The following C5 variants were observed in gnomAD, a reference collection of about 807,000 sequenced individuals.
C5 encodes the protein C3 and PZP-like alpha-2-macroglobulin domain-containing protein 4.
In C5, 140 loss-of-function variants were observed where a neutral mutation model predicts 218.8. The ratio of observed to expected loss-of-function variants is 0.64; its 90% CI spans 0.56 to 0.74. The LOEUF (loss-of-function observed/expected upper bound fraction) is 0.74. Among genes scored for constraint, C5 ranks in the 30% least tolerant of loss-of-function variants. The pLI is 0.00. For missense variants in C5, 1,700 were observed against 1,969.6 expected (o/e 0.86, Z 2.59); for synonymous variants, 614 against 682.3 (o/e 0.90, Z 1.56).
In C5 at chr9:121,043,130, C is replaced by A; in HGVS notation, c.295G>T (p.Val99Phe). 1 of 1,613,350 alleles carries A rather than the reference C, an allele frequency of 6.2e-7. No homozygotes were observed. The highest frequency in any genetic ancestry group is 8.5e-7 in the Non-Finnish European group (1 of 1,179,612). Residue 99 changes from valine to phenylalanine, a missense_variant, in exon 3 of 41, where the codon GTT becomes TTT. Val to Phe is a conservative substitution (Grantham distance 50, BLOSUM62 -1). Coordinates refer to ENST00000223642, the MANE Select transcript of C5 (RefSeq NM_001735.3). ...ACAACTTCCAAATACACATAAGAAA[C>A]TGGGTTTTGTCCTCCAGGCAATTGT... Reference protein sequence around the residue: ...PKQLPGGQNPVSYVYLEVVSK... With the variant: ...PKQLPGGQNPFSYVYLEVVSK...
intron 20 of C5, among the ~76,000 whole-genome samples, chr9:121,002,234 A>G (rs374459997): frequency 2.2e-4 from 13 of 59,894 alleles, no homozygotes; most frequent in African/African-American, 4.6e-4. Context: ...ATATATGTAT[A>G]TATGTATATG....
intron 11 of C5, 50 bp from the exon 12 acceptor site, chr9:121,020,229 C>T: frequency 8.0e-7 from 1 of 1,245,282 alleles, no homozygotes; most frequent in South Asian, 1.2e-5. Context: ...GTAATGCTTT[C>T]TGTAAAACAT....
chr9:121,038,316 C>A (rs1173858968), intron 3 of C5, among the ~76,000 whole-genome samples: 1 of 152,138 alleles, frequency 6.6e-6, no homozygotes, highest in Non-Finnish European at 1.5e-5. Context: ...AGTGACATCA[C>A]CATATGGTTA....
At chr9:120,969,191 A>G in intron 32 of C5, 73 bp from the exon 33 acceptor site, 1 of 1,190,838 alleles carries the variant, frequency 8.4e-7, no homozygotes, top group South Asian at 1.2e-5. Context: ...GGAACCTGTC[A>G]GAACAGAATC....
intron 20 of C5, among the ~76,000 whole-genome samples, chr9:121,003,809 A>G (rs1362085011): frequency 2.0e-5 from 3 of 152,240 alleles, no homozygotes; most frequent in Non-Finnish European, 4.4e-5. Context: ...TTCTAACAAT[A>G]AATAACATTT....
In C5 at chr9:120,957,373, C is replaced by A. The variant is rs751044019; in HGVS notation, c.4679-5G>T. On this transcript the variant is annotated splice_region_variant and splice_polypyrimidine_tract_variant and intron_variant, in intron 38 of 40. Coordinates refer to ENST00000223642, the MANE Select transcript of C5 (RefSeq NM_001735.3). ...ATGTGATGCTAACTTTATAAGCTGG[C>A]AAAAGACAAACAACAATGAAACAAT... 3 of 1,607,670 alleles carry A rather than the reference C, an allele frequency of 1.9e-6. No homozygotes were observed. Among genetic ancestry groups the A allele is most frequent in the African/African-American group, 1.3e-5 (1 of 74,766 alleles).
chr9:121,013,692 T>C (rs945975438), intron 17 of C5, among the ~76,000 whole-genome samples, 181 bp downstream of exon 17: 2 of 152,176 alleles, frequency 1.3e-5, no homozygotes, highest in Non-Finnish European at 2.9e-5. Flanking sequence ...TGTACTCTGC[T>C]CTGTACTGTA....
chr9:121,033,259 A>G (rs1254356474), intron 5 of C5, among the ~76,000 whole-genome samples: 2 of 152,214 alleles, frequency 1.3e-5, no homozygotes, highest in Admixed American at 1.3e-4. Context: ...AAGAGTTTAT[A>G]AGCTAGTGGG....
Position 120,996,274 on chromosome 9 carries a change from A to G in C5, c.2817T>C (p.Tyr939=), listed in dbSNP as rs777758625. Residue 939 remains tyrosine (Y), a synonymous_variant, in exon 22 of 41, where the codon TAT becomes TAC. Transcript: ENST00000223642. The stretch of plus-strand genomic sequence containing the variant: ...CCCTAGGATCCAAAGTAACACCAGA[A>G]TAGCTTTCCCTTTTGACACCTTCTG... ...VVPEGVKRES[Y]SGVTLDPRGI... 8.1e-6 allele frequency: 13 copies of G among 1,612,720 alleles called. No homozygotes were observed. Among genetic ancestry groups the G allele is most frequent in the Non-Finnish European group, 9.3e-6 (11 of 1,178,864 alleles).
At position 120,997,552 on chromosome 9, in the gene C5, C is replaced by T; in HGVS notation, c.2785G>A (p.Val929Met). The stretch of plus-strand genomic sequence containing the variant: ...TTGAAGCATGTTTTTCTTACCACCA[C>T]TCGTAATGTTTTTACTAAGATTTCT... ...GKEILVKTLR[V>M]VPEGVKRESY... Residue 929 changes from valine (V) to methionine (M), a missense_variant, in exon 21 of 41, where the codon GTG becomes ATG. Physicochemically the swap from Val to Met is conservative, Grantham distance 21 (BLOSUM62 1). Transcript: ENST00000223642. 3 of 1,609,758 alleles carry T rather than the reference C, an allele frequency of 1.9e-6. No individual in the cohort carries two copies. Among genetic ancestry groups the T allele is most frequent in the Non-Finnish European group, 2.6e-6 (3 of 1,176,288 alleles).
chr9:121,011,603 A>C (rs903881501), intron 17 of C5, among the ~76,000 whole-genome samples: 8 of 152,210 alleles, frequency 5.3e-5, no homozygotes, highest in Non-Finnish European at 8.8e-5. Flanking sequence ...CTACCATATG[A>C]TCTGGCAATC....
the C5 span, among the ~76,000 whole-genome samples, chr9:121,056,681 G>GA: frequency 6.6e-6 from 1 of 151,306 alleles, no homozygotes; most frequent in Non-Finnish European, 1.5e-5. Context: ...GGAGAAAAAG[G>GA]AAAAAACTAA....
chr9:121,020,316 C>G (rs1444744904), intron 11 of C5, 137 bp from the exon 12 acceptor site: 1 of 717,888 alleles, frequency 1.4e-6, no homozygotes, highest in Non-Finnish European at 2.4e-6. Flanking sequence ...AAAAACCCTC[C>G]ATTACTTCAG....
intron 7 of C5, 151 bp from the exon 8 acceptor site, chr9:121,027,425 G>A (rs1280030716): frequency 6.6e-6 from 4 of 604,278 alleles, no homozygotes. Context: ...GAGGCATCAT[G>A]CTACCTGACT....
At chr9:121,027,026 G>T in intron 8 of C5, 134 bp downstream of exon 8, 1 of 688,400 alleles carries the variant, frequency 1.5e-6, no homozygotes, top group Non-Finnish European at 2.6e-6. Context: ...TAAAGGCAAA[G>T]GGAAGCCAAT....
the C5 span, among the ~76,000 whole-genome samples, chr9:121,074,076 G>C: frequency 1.8e-4 from 28 of 152,290 alleles, no homozygotes; most frequent in African/African-American, 6.5e-4. Flanking sequence ...CAGGCACGCT[G>C]CTAAGATGAT....
chr9:121,070,767 A>G, the C5 span, among the ~76,000 whole-genome samples: 1 of 152,036 alleles, frequency 6.6e-6, no homozygotes, highest in Non-Finnish European at 1.5e-5. Flanking sequence ...ATCTTAAAGG[A>G]TACAAAATTA....
intron 19 of C5, 141 bp from the exon 20 acceptor site, chr9:121,006,199 T>A: frequency 1.4e-6 from 1 of 739,982 alleles, no homozygotes. Flanking sequence ...TCTCAACTCA[T>A]GTCCTTGAAT....
At chr9:121,027,575 C>G (rs41308038) in intron 7 of C5, among the ~76,000 whole-genome samples, 3,283 of 152,140 alleles carry the variant, frequency 0.022, 124 homozygotes, top group African/African-American at 0.076. Context: ...ACAAACCTGA[C>G]AAAAACAAGA....
Sources: allele counts gnomAD v4.1 joint callset (sites outside exome capture counted in the v4.1 genomes callset), GRCh38; gene constraint gnomAD v4.1.1; transcripts MANE v1.5; gene names NCBI Gene and HGNC (gene_info 2026-07-23, HGNC 2026-07-21).